PTPRD: variants seen among roughly 807,000 people sequenced by gnomAD.
The protein encoded by PTPRD is receptor-type tyrosine-protein phosphatase delta.
PTPRD carries 34 observed loss-of-function variants against 214.5 expected under a neutral mutation model. The ratio of observed to expected loss-of-function variants is 0.16; its 90% confidence interval spans 0.12 to 0.21. PTPRD has a LOEUF of 0.21. Among genes scored for constraint, PTPRD ranks in the 10% least tolerant of loss-of-function variants. The pLI, the probability that PTPRD is intolerant of heterozygous loss-of-function variation, is 1.00. For synonymous variants in PTPRD, 1,128 were observed against 845.7 expected, an observed-to-expected ratio of 1.33 and a Z score of -5.79; for missense variants, 2,545 against 2,398.7, an observed-to-expected ratio of 1.06 and a Z score of -1.27.
intron 2 of PTPRD, among the ~76,000 whole-genome samples, chr9:10,355,966 G>A (rs919103135): frequency 1.3e-5 from 2 of 152,136 alleles, no homozygotes; most frequent in East Asian, 1.9e-4. Flanking sequence ...AGTACACTGA[G>A]ATGTACACTG....
chr9:8,324,702 T>C, intron 44 of PTPRD, among the ~76,000 whole-genome samples: 1 of 152,140 alleles, frequency 6.6e-6, no homozygotes, highest in Non-Finnish European at 1.5e-5. Context: ...GTTTAACTAA[T>C]TTACACACCC....
At chr9:9,357,196 T>C (rs1022692483) in intron 9 of PTPRD, among the ~76,000 whole-genome samples, 8 of 151,362 alleles carry the variant, frequency 5.3e-5, no homozygotes, top group African/African-American at 1.5e-4. Context: ...CAATCTGGTT[T>C]CATAAATACT....
intron 42 of PTPRD, among the ~76,000 whole-genome samples, chr9:8,339,310 T>A (rs988276451): frequency 6.6e-6 from 1 of 152,084 alleles, no homozygotes; most frequent in African/African-American, 2.4e-5. Context: ...ACGAGTTGAA[T>A]TGAGAATTGA....
At chr9:9,275,856 T>C (rs987406479) in intron 9 of PTPRD, among the ~76,000 whole-genome samples, 1 of 151,212 alleles carries the variant, frequency 6.6e-6, no homozygotes. Flanking sequence ...TGTGTGTGTG[T>C]GTGTTTCTAT....
At chr9:9,265,682 A>G (rs1939127258) in intron 9 of PTPRD, among the ~76,000 whole-genome samples, 1 of 151,520 alleles carries the variant, frequency 6.6e-6, no homozygotes, top group Non-Finnish European at 1.5e-5. Context: ...TGTAAGCCTC[A>G]GATTAACAAA....
At chr9:9,812,089 T>G (rs763411393) in intron 5 of PTPRD, among the ~76,000 whole-genome samples, 27 of 151,876 alleles carry the variant, frequency 1.8e-4, no homozygotes, top group Non-Finnish European at 2.9e-4. Flanking sequence ...GCTCATATAA[T>G]TGTTAGCAGT....
intron 39 of PTPRD, among the ~76,000 whole-genome samples, chr9:8,349,276 T>C (rs1429764992): frequency 6.6e-6 from 1 of 152,182 alleles, no homozygotes; most frequent in African/African-American, 2.4e-5. Flanking sequence ...CCTTAAGAAA[T>C]TGAATGTTGA....
intron 4 of PTPRD, among the ~76,000 whole-genome samples, chr9:10,020,481 T>TG (rs1429395571): frequency 7.8e-6 from 1 of 127,582 alleles, no homozygotes; most frequent in Non-Finnish European, 1.7e-5. Flanking sequence ...TTTTGTTTTT[T>TG]TAGTAGAGAC....
At chr9:9,037,738 A>G (rs376690728) in intron 10 of PTPRD, among the ~76,000 whole-genome samples, 8 of 152,334 alleles carry the variant, frequency 5.3e-5, no homozygotes, top group South Asian at 4.1e-4. Context: ...TCCACAGATC[A>G]TCATAGGATT....
At chr9:10,259,457 GC>G (rs2093548007) in intron 3 of PTPRD, among the ~76,000 whole-genome samples, 1 of 152,106 alleles carries the variant, frequency 6.6e-6, no homozygotes, top group Non-Finnish European at 1.5e-5. Flanking sequence ...GGCCCCAAAG[GC>G]CTCTACTCCT....
intron 4 of PTPRD, among the ~76,000 whole-genome samples, chr9:9,977,997 A>G (rs1480161131): frequency 6.6e-6 from 1 of 152,140 alleles, no homozygotes; most frequent in Non-Finnish European, 1.5e-5. Flanking sequence ...TGTTGCTTCC[A>G]ATCAAACAAT....
chr9:9,584,764 T>C (rs978415378), intron 7 of PTPRD, among the ~76,000 whole-genome samples: 6 of 151,962 alleles, frequency 3.9e-5, no homozygotes, highest in African/African-American at 1.4e-4. Context: ...AACAAATTTC[T>C]CATTCTCCCC....
chr9:8,554,784 T>C (rs2083225394), intron 14 of PTPRD, among the ~76,000 whole-genome samples: 1 of 152,172 alleles, frequency 6.6e-6, no homozygotes. Flanking sequence ...CAGAGAAATA[T>C]ATGAAGCAGC....
chr9:9,645,553 A>T (rs942280342), intron 7 of PTPRD, among the ~76,000 whole-genome samples: 3 of 151,324 alleles, frequency 2.0e-5, no homozygotes, highest in Non-Finnish European at 4.4e-5. Flanking sequence ...TTCTAGCTTG[A>T]GATTTTAAGC....
In PTPRD at chr9:9,117,916, G is replaced by T. The variant is rs1034365033; in HGVS notation, c.-143+65388C>A. 9.2e-5 allele frequency among the ~76,000 whole-genome samples: 14 copies of T among 152,148 alleles called. No individual in the cohort carries two copies. The South Asian group carries it at 2.9e-3, about 32-fold the overall frequency. ...ATGAAGGGATGGATCCAGGTTTTGT[G>T]GCATCTGAAGTTTACACGATGTTGA... is the stretch of plus-strand genomic sequence containing the variant. On this transcript the variant is annotated intron_variant, in intron 10 of 45. Coordinates refer to ENST00000381196, the MANE Select transcript of PTPRD (RefSeq NM_002839.4).
chr9:8,657,475 C>G (rs2096935403), intron 12 of PTPRD, among the ~76,000 whole-genome samples: 1 of 152,086 alleles, frequency 6.6e-6, no homozygotes, highest in African/African-American at 2.4e-5. Flanking sequence ...GGCCTGCCCA[C>G]TTTTTAATAG....
intron 2 of PTPRD, among the ~76,000 whole-genome samples, chr9:10,365,304 C>G (rs1340930127): frequency 6.6e-6 from 1 of 152,184 alleles, no homozygotes; most frequent in Non-Finnish European, 1.5e-5. Context: ...GTAAGGCATA[C>G]AAGGACATTG....
chr9:9,465,347 T>C (rs988068870), intron 8 of PTPRD, among the ~76,000 whole-genome samples: 5 of 152,210 alleles, frequency 3.3e-5, no homozygotes. Context: ...AAATGTATAA[T>C]GAATTTGCTT....
intron 21 of PTPRD, among the ~76,000 whole-genome samples, chr9:8,513,180 A>G (rs2097715642): frequency 6.6e-6 from 1 of 152,098 alleles, no homozygotes; most frequent in Non-Finnish European, 1.5e-5. Flanking sequence ...AATCATCTCA[A>G]TGAAAGTCTT....
Sources: gnomAD v4.1 joint callset for allele counts (sites outside exome capture counted in the v4.1 genomes callset) on GRCh38, gnomAD v4.1.1 for gene constraint, MANE v1.5 for transcripts, NCBI Gene and HGNC (gene_info 2026-07-23, HGNC 2026-07-21) for gene names.